Variants in RAB27B observed in about 807,000 individuals in gnomAD.
RAB27B encodes RAB27B, member RAS oncogene family.
RAB27B carries 15 observed loss-of-function variants against 24.6 expected under a neutral mutation model. That is an observed-to-expected ratio of 0.61 (90% CI 0.41 to 0.94). The LOEUF is 0.94. Ranked by LOEUF, RAB27B falls within the 40% of genes least tolerant of loss-of-function variation. The pLI, the probability that RAB27B is intolerant of heterozygous loss-of-function variation, is 0.00. For missense variants in RAB27B, 261 were observed against 266.8 expected, an observed-to-expected ratio of 0.98 and a Z score of 0.15; for synonymous variants, 105 against 92.5, an observed-to-expected ratio of 1.14 and a Z score of -0.78.
At chr18:54,838,177 C>A (rs752174666) in intron 1 of RAB27B, among the ~76,000 whole-genome samples, 7 of 152,078 alleles carry the variant, frequency 4.6e-5, no homozygotes, top group Non-Finnish European at 1.0e-4. Flanking sequence ...GATCTACTTA[C>A]CAAAGCATAA....
At chr18:54,866,647 T>A (rs1912239474) in intron 1 of RAB27B, among the ~76,000 whole-genome samples, 1 of 152,192 alleles carries the variant, frequency 6.6e-6, no homozygotes, top group Non-Finnish European at 1.5e-5. Flanking sequence ...TTGTCCTACC[T>A]GTGACGGGGA....
intron 2 of RAB27B, among the ~76,000 whole-genome samples, chr18:54,748,035 A>G (rs1019707642): frequency 6.6e-6 from 1 of 152,068 alleles, no homozygotes; most frequent in Non-Finnish European, 1.5e-5. Flanking sequence ...GAGCCCAGGG[A>G]AGTGAAGGTT....
intron 2 of RAB27B, among the ~76,000 whole-genome samples, chr18:54,801,446 A>T (rs1396024767): frequency 6.6e-6 from 1 of 152,162 alleles, no homozygotes; most frequent in Non-Finnish European, 1.5e-5. Context: ...TCTCTTAAAA[A>T]ACTGGAAAAT....
chr18:54,721,521 T>C (rs919228849), intron 2 of RAB27B, among the ~76,000 whole-genome samples: 5 of 152,182 alleles, frequency 3.3e-5, no homozygotes, highest in Admixed American at 1.3e-4. Flanking sequence ...GCAATTAATG[T>C]CTTTGAATTA....
chr18:54,760,415 C>T (rs73959294), intron 2 of RAB27B, among the ~76,000 whole-genome samples: 8,450 of 152,178 alleles, frequency 0.056, 303 homozygotes, highest in Admixed American at 0.085. Context: ...AGCTTATAGA[C>T]AACTTGAAAT....
intron 1 of RAB27B, among the ~76,000 whole-genome samples, chr18:54,852,733 G>A (rs1319761515): frequency 6.6e-6 from 1 of 152,206 alleles, no homozygotes; most frequent in African/African-American, 2.4e-5. Flanking sequence ...AGGAAGTAGT[G>A]TCTTTTGCTA....
chr18:54,767,011 T>C (rs1431274778), intron 2 of RAB27B, among the ~76,000 whole-genome samples: 2 of 152,180 alleles, frequency 1.3e-5, no homozygotes, highest in African/African-American at 4.8e-5. Flanking sequence ...CCAGGAACTT[T>C]TGAGGACCAT....
intron 2 of RAB27B, among the ~76,000 whole-genome samples, chr18:54,719,632 T>G (rs1293599687): frequency 6.6e-6 from 1 of 152,078 alleles, no homozygotes; most frequent in Admixed American, 6.5e-5. Context: ...TTGGGGGTGG[T>G]AGTAAACTTT....
At chr18:54,833,597 A>G (rs1910779046) in intron 1 of RAB27B, among the ~76,000 whole-genome samples, 2 of 152,194 alleles carry the variant, frequency 1.3e-5, no homozygotes, top group South Asian at 4.1e-4. Context: ...CACCAAAAGA[A>G]AATTAAAATC....
intron 1 of RAB27B, among the ~76,000 whole-genome samples, chr18:54,833,415 T>C (rs1370707268): frequency 6.6e-6 from 1 of 151,826 alleles, no homozygotes; most frequent in Non-Finnish European, 1.5e-5. Context: ...TTAGTAGAGG[T>C]AGGGTTTCAC....
chr18:54,868,741 C>T (rs1311660724), intron 1 of RAB27B, among the ~76,000 whole-genome samples: 1 of 152,218 alleles, frequency 6.6e-6, no homozygotes, highest in Admixed American at 6.5e-5. Context: ...ATTCTCCTGC[C>T]TCAGCCTCCC....
rs112981715 is a variant in RAB27B, at chr18:54,778,844, CT to C, written c.-20+60716del. On this transcript the variant is annotated intron_variant, in intron 2 of 4. Coordinates refer to the RAB27B transcript ENST00000586570. ...TCTTTACTTTCTATACAGTTAAGTC[CT>C]TTTTTTTTTTTTCTTAGACAGAGTC... 4.2e-3 allele frequency among the ~76,000 whole-genome samples: 607 copies of C among 143,056 alleles called. 4 individuals carry two copies. Among genetic ancestry groups the C allele is most frequent in the African/African-American group, 8.6e-3 (337 of 39,404 alleles). The allele number at this position is 143,056 out of a possible 152,430, so 93.9% of individuals were successfully genotyped here. A position where few individuals can be genotyped will look rare whatever the true frequency, so the allele number is the denominator to read the frequency against.
chr18:54,833,927 T>C (rs189489114), intron 1 of RAB27B, among the ~76,000 whole-genome samples: 27 of 152,266 alleles, frequency 1.8e-4, no homozygotes, highest in Non-Finnish European at 5.9e-5. Context: ...TTGCAGAAAC[T>C]AGACAAGACC....
intron 1 of RAB27B, among the ~76,000 whole-genome samples, chr18:54,847,399 A>T (rs1911381072): frequency 6.6e-6 from 1 of 152,234 alleles, no homozygotes; most frequent in African/African-American, 2.4e-5. Flanking sequence ...CAAAAAGAAG[A>T]CATCTGCATT....
chr18:54,793,466 A>T (rs971243789), intron 2 of RAB27B, among the ~76,000 whole-genome samples: 1 of 147,096 alleles, frequency 6.8e-6, no homozygotes, highest in Admixed American at 6.9e-5. Context: ...ACATATACTC[A>T]ATCAACTTTG....
chr18:54,858,594 G>T (rs1269036350), intron 1 of RAB27B, among the ~76,000 whole-genome samples: 1 of 151,878 alleles, frequency 6.6e-6, no homozygotes, highest in Non-Finnish European at 1.5e-5. Context: ...GGGTTTCACC[G>T]TGTTAGCCAG....
intron 1 of RAB27B, among the ~76,000 whole-genome samples, chr18:54,854,386 G>A (rs910313852): frequency 3.3e-5 from 5 of 152,030 alleles, no homozygotes; most frequent in African/African-American, 1.2e-4. Flanking sequence ...GATTTTCATT[G>A]GTAGAAATAT....
At chr18:54,732,042 C>T (rs77742435) in intron 2 of RAB27B, among the ~76,000 whole-genome samples, 4,260 of 152,250 alleles carry the variant, frequency 0.028, 72 homozygotes, top group Middle Eastern at 0.092. Context: ...GGAAGACATA[C>T]TGAGTATTGT....
intron 2 of RAB27B, among the ~76,000 whole-genome samples, chr18:54,736,911 C>T (rs962484691): frequency 2.0e-5 from 3 of 152,278 alleles, no homozygotes; most frequent in African/African-American, 7.2e-5. Context: ...AATGTACACT[C>T]ACCCATGGGA....
Sources: gnomAD v4.1 joint callset for allele counts (sites outside exome capture counted in the v4.1 genomes callset) on GRCh38, gnomAD v4.1.1 for gene constraint, MANE v1.5 for transcripts, NCBI Gene and HGNC (gene_info 2026-07-23, HGNC 2026-07-21) for gene names.